Variants in MEGF6 observed in about 807,000 individuals in gnomAD.
MEGF6 encodes multiple EGF like domains 6.
Under a neutral mutation model 207.1 loss-of-function variants are expected in MEGF6, and 184 were observed. That is an observed-to-expected ratio of 0.89 (90% CI 0.79 to 1.00). MEGF6 has a LOEUF of 1.00. MEGF6 is among the 50% of genes least tolerant of loss of function. The probability of loss-of-function intolerance (pLI) is 0.00; values close to 1 mark genes in which losing one functional copy is unlikely to be tolerated. For missense variants in MEGF6, 2,282 were observed against 2,202.9 expected (o/e 1.04, Z -0.72); for synonymous variants, 1,038 against 910.0 (o/e 1.14, Z -2.53).
Position 3,501,614 on chromosome 1 carries a change from G to A in MEGF6, c.2314+182C>T, listed in dbSNP as rs1195478186. Among the ~76,000 whole-genome samples, 7 of 152,246 alleles carry A rather than the reference G, an allele frequency of 4.6e-5. No individual in the cohort carries two copies. In the East Asian group the frequency reaches 1.4e-3, roughly 29 times the overall value. ...CCGAGAGGGCAGCCTGGAAGCCCCA[G>A]GAACTTGGTGGGGCAGCCACAGACC... is the stretch of plus-strand genomic sequence containing the variant. On this transcript the variant is annotated intron_variant, in intron 18 of 36. Coordinates refer to ENST00000356575, the MANE Select transcript of MEGF6 (RefSeq NM_001409.4).
chr1:3,538,169 C>T (rs1302218377), intron 4 of MEGF6, among the ~76,000 whole-genome samples: 1 of 152,240 alleles, frequency 6.6e-6, no homozygotes, highest in Non-Finnish European at 1.5e-5. Flanking sequence ...CCGTTGACCT[C>T]CAGAGCCCAG....
intron 4 of MEGF6, among the ~76,000 whole-genome samples, chr1:3,542,949 C>T (rs142042856): frequency 5.9e-5 from 9 of 152,284 alleles, no homozygotes; most frequent in Middle Eastern, 3.4e-3. Flanking sequence ...AGCTCTGGCA[C>T]GCACAGGCCT....
At chr1:3,583,077 T>C (rs984198207) in intron 3 of MEGF6, among the ~76,000 whole-genome samples, 46 of 152,238 alleles carry the variant, frequency 3.0e-4, no homozygotes, top group African/African-American at 1.1e-3. Flanking sequence ...GGATGCTCCT[T>C]GGGGAAAGGG....
chr1:3,542,016 G>A (rs1642542331), intron 4 of MEGF6, among the ~76,000 whole-genome samples: 1 of 152,226 alleles, frequency 6.6e-6, no homozygotes, highest in South Asian at 2.1e-4. Context: ...CCGGCACCGA[G>A]AAGGAAGAGC....
intron 3 of MEGF6, among the ~76,000 whole-genome samples, chr1:3,592,562 G>A (rs1197741158): frequency 6.6e-6 from 1 of 152,176 alleles, no homozygotes; most frequent in African/African-American, 2.4e-5. Flanking sequence ...CCCAGGACTC[G>A]GCAGCAGCTG....
chr1:3,541,006 G>A (rs544703341), intron 4 of MEGF6, among the ~76,000 whole-genome samples: 1 of 152,322 alleles, frequency 6.6e-6, no homozygotes, highest in Non-Finnish European at 1.5e-5. Flanking sequence ...CTAGAAAGGG[G>A]AGATGGCATC....
rs1317586840 is a variant in MEGF6 at position 3,532,884 on chromosome 1, C to T, written c.482-8638G>A. ...GGATGCAGTGCCATCCTCACCATTCCCTGCAGGGGAGGGCTACTGTCCCCA... is the reference window on the plus strand; with the variant it reads ...GGATGCAGTGCCATCCTCACCATTCTCTGCAGGGGAGGGCTACTGTCCCCA... On this transcript the variant is annotated intron_variant, in intron 4 of 36. Coordinates refer to ENST00000356575, the MANE Select transcript of MEGF6 (RefSeq NM_001409.4). Among the ~76,000 whole-genome samples the T allele has an allele frequency of 2.0e-5, 3 of 152,242 alleles. No homozygotes were observed. In the East Asian group the frequency reaches 5.8e-4, roughly 29 times the overall value.
rs149236817 is a variant in MEGF6 at position 3,556,909 on chromosome 1, C to T, written c.481+22916G>A. ...GGGCTGTGGAAAGAACGAAGGCAGC[C>T]CCTCAGCCGACCTGACCTAGGAAGC... On this transcript the variant is annotated intron_variant, in intron 4 of 36. Coordinates refer to ENST00000356575, the MANE Select transcript of MEGF6 (RefSeq NM_001409.4). The surrounding 1 kb of genome is among the most constrained non-coding windows in gnomAD (Gnocchi z 4.4). 6.6e-6 allele frequency among the ~76,000 whole-genome samples: 1 copy of T among 152,182 alleles called. No homozygotes were observed. The highest frequency in any genetic ancestry group is 2.4e-5 in the African/African-American group (1 of 41,452).
chr1:3,571,752 T>A (rs192556058), intron 4 of MEGF6, among the ~76,000 whole-genome samples: 1 of 118,160 alleles, frequency 8.5e-6, no homozygotes, highest in African/African-American at 5.1e-5. Flanking sequence ...TCTTCCCTGG[T>A]GTGCTGGGTC....
intron 4 of MEGF6, among the ~76,000 whole-genome samples, chr1:3,577,648 G>T (rs1643678164): frequency 6.6e-6 from 1 of 152,202 alleles, no homozygotes; most frequent in Non-Finnish European, 1.5e-5. Context: ...TGCTGTGGAT[G>T]CTGAGCCCCG....
the MEGF6 span, among the ~76,000 whole-genome samples, chr1:3,624,132 G>T: frequency 1.3e-5 from 2 of 152,126 alleles, no homozygotes; most frequent in South Asian, 4.2e-4. Flanking sequence ...ACCTCGCCTC[G>T]TGTGTCTTCC....
At chr1:3,602,444 C>A (rs566580882) in intron 2 of MEGF6, 22 bp downstream of exon 2, 8 of 1,613,140 alleles carry the variant, frequency 5.0e-6, no homozygotes, top group Non-Finnish European at 6.8e-6. Flanking sequence ...GCCCCTCCCC[C>A]AACACGGGCC....
intron 4 of MEGF6, among the ~76,000 whole-genome samples, chr1:3,533,610 A>T (rs534778750): frequency 6.6e-6 from 1 of 152,322 alleles, no homozygotes; most frequent in East Asian, 1.9e-4. Context: ...ACCAGAGGCC[A>T]GGCCTGCAAG....
intron 4 of MEGF6, among the ~76,000 whole-genome samples, chr1:3,553,830 A>C (rs1286619213): frequency 6.6e-6 from 1 of 151,938 alleles, no homozygotes. Context: ...GCAGCCTCTC[A>C]CCCCGCTGTG....
chr1:3,511,910 G>C, intron 8 of MEGF6, 96 bp downstream of exon 8: 2 of 1,567,642 alleles, frequency 1.3e-6, no homozygotes, highest in East Asian at 4.6e-5. Flanking sequence ...TGATTGACAA[G>C]GAAGCCCTGC....
At chr1:3,563,667 T>A (rs1643265612) in intron 4 of MEGF6, among the ~76,000 whole-genome samples, 1 of 152,002 alleles carries the variant, frequency 6.6e-6, no homozygotes, top group African/African-American at 2.4e-5. Flanking sequence ...TTCTGCAGAG[T>A]CCCCCTCTGG....
At chr1:3,505,581 G>T in intron 15 of MEGF6, 25 bp from the exon 16 acceptor site, 1 of 1,534,136 alleles carries the variant, frequency 6.5e-7, no homozygotes, top group Non-Finnish European at 8.7e-7. Flanking sequence ...CCGTTGAGGG[G>T]GGCTCCCGTC....
intron 4 of MEGF6, among the ~76,000 whole-genome samples, chr1:3,568,146 G>A (rs72853590): frequency 2.2e-3 from 334 of 152,296 alleles, no homozygotes; most frequent in African/African-American, 7.5e-3. Flanking sequence ...AATTTGACTC[G>A]TCAACATGTC....
At chr1:3,595,907 G>A (rs1041415147) in intron 2 of MEGF6, among the ~76,000 whole-genome samples, 10 of 152,166 alleles carry the variant, frequency 6.6e-5, no homozygotes, top group African/African-American at 1.4e-4. Flanking sequence ...CCGGGACCGG[G>A]TGGGCTGTGC....
Sources: gnomAD v4.1 joint callset for allele counts (sites outside exome capture counted in the v4.1 genomes callset) on GRCh38, gnomAD v4.1.1 for gene constraint, Gnocchi (gnomAD v3.1) non-coding constraint, MANE v1.5 for transcripts, NCBI Gene and HGNC (gene_info 2026-07-23, HGNC 2026-07-21) for gene names.